The following ARHGAP39 variants were observed in gnomAD, a reference collection of about 807,000 sequenced individuals.
The protein encoded by ARHGAP39 is rho GTPase-activating protein 39.
A neutral mutation model predicts 106.9 loss-of-function variants in ARHGAP39; 44 were observed. That is an observed-to-expected ratio of 0.41 (90% CI 0.32 to 0.53). ARHGAP39 has a LOEUF of 0.53. ARHGAP39 is among the 20% of genes least tolerant of loss of function. The pLI is 0.21. For synonymous variants in ARHGAP39, 768 were observed against 693.2 expected, an observed-to-expected ratio of 1.11 and a Z score of -1.69; for missense variants, 1,496 against 1,577.3, an observed-to-expected ratio of 0.95 and a Z score of 0.87.
chr8:144,569,167 T>C (rs922235479), intron 3 of ARHGAP39, among the ~76,000 whole-genome samples: 1 of 152,214 alleles, frequency 6.6e-6, no homozygotes, highest in Non-Finnish European at 1.5e-5. Flanking sequence ...GTGCCAAGAT[T>C]AATGTAAGTA....
At chr8:144,662,619 G>A (rs1351030346) in intron 1 of ARHGAP39, among the ~76,000 whole-genome samples, 5 of 145,296 alleles carry the variant, frequency 3.4e-5, no homozygotes, top group Admixed American at 2.7e-4. Flanking sequence ...ATCCACCTTG[G>A]GCCGCTCCCC....
chr8:144,594,613 G>A lies in ARHGAP39; in HGVS notation c.80+10922C>T, dbSNP rs1242212159. On this transcript the variant is annotated intron_variant, in intron 2 of 11. Coordinates refer to ENST00000377307, the MANE Select transcript of ARHGAP39 (RefSeq NM_025251.3). ...GGAGGCTGAGGAAGGAGAATCGCTC[G>A]AACCCGGGAGGCGGATGTTGCGGTG... Among the ~76,000 whole-genome samples the A allele has an allele frequency of 3.3e-5, 5 of 151,448 alleles. 1 individual carries two copies. The highest frequency in any genetic ancestry group is 4.2e-4 in the South Asian group (2 of 4,816).
chr8:144,648,041 A>G lies in ARHGAP39; in HGVS notation c.-82+37645T>C, dbSNP rs148658988. On this transcript the variant is annotated intron_variant, in intron 1 of 11. Transcript: ENST00000377307. ...TAAAAACTCACTCCTGGCACACACA[A>G]TGGGGGACCTGTGACCTCAGAGGTT... Among the ~76,000 whole-genome samples, 3 of 152,224 alleles carry G rather than the reference A, an allele frequency of 2.0e-5. No individual in the cohort carries two copies. In the East Asian group the frequency reaches 5.8e-4, roughly 29 times the overall value.
At chr8:144,665,384 A>G (rs191910956) in intron 1 of ARHGAP39, among the ~76,000 whole-genome samples, 110 of 152,382 alleles carry the variant, frequency 7.2e-4, no homozygotes, top group African/African-American at 2.5e-3. Context: ...TCAAGCCAGC[A>G]GCACAAATTT....
chr8:144,555,620 A>G lies in ARHGAP39; in HGVS notation c.536T>C (p.Leu179Pro). The G allele has an allele frequency of 6.2e-7, 1 of 1,613,948 alleles. No homozygotes were observed. Among genetic ancestry groups the G allele is most frequent in the Non-Finnish European group, 8.5e-7 (1 of 1,180,002 alleles). Residue 179 changes from leucine (L) to proline (P), a missense_variant, in exon 4 of 12, where the codon CTT (leucine) becomes CCT (proline). Around this residue, in one of 4 missense-constraint regions of ARHGAP39, gnomAD observed 905 missense variants for 816.4 expected, o/e 1.11. Transcript: ENST00000377307. The part of the protein sequence containing the change: ...SGSSSPPGVF[L>P]EKDYEIYRDY... ...CCGGTAAATCTCATAGTCCTTCTCA[A>G]GGAACACTCCTGGTGGTGAAGAGCT...
intron 3 of ARHGAP39, among the ~76,000 whole-genome samples, chr8:144,558,384 C>T (rs1262238502): frequency 6.6e-6 from 1 of 152,046 alleles, no homozygotes; most frequent in Admixed American, 6.5e-5. Flanking sequence ...CCTCCATCTC[C>T]CAGGTTCAAG....
chr8:144,675,943 C>T (rs1822224716), intron 1 of ARHGAP39, among the ~76,000 whole-genome samples: 1 of 151,214 alleles, frequency 6.6e-6, no homozygotes, highest in Non-Finnish European at 1.5e-5. Context: ...GATAGCATGT[C>T]CAGAGTTGTT....
Position 144,530,250 on chromosome 8 carries a change from C to G in ARHGAP39, c.*172G>C, listed in dbSNP as rs946965032. On this transcript the variant is annotated 3_prime_UTR_variant, in exon 12 of 12. Transcript: ENST00000377307. ...CCCCGCCGCTGCTGTGCCCTGGCTG[C>G]ACCCTCAGACCAGGCAGAAGACGTG... 1.1e-5 allele frequency: 8 copies of G among 719,470 alleles called. No individual in the cohort carries two copies. In the East Asian group the frequency reaches 2.2e-4, roughly 20 times the overall value. The allele number at this position is 719,470 out of a possible 1,614,324, so 44.6% of individuals were successfully genotyped here.
At chr8:144,628,800 C>T (rs1019089379) in intron 1 of ARHGAP39, among the ~76,000 whole-genome samples, 8 of 152,228 alleles carry the variant, frequency 5.3e-5, no homozygotes, top group Admixed American at 2.6e-4. Flanking sequence ...GAATTCCATG[C>T]CCCACATCCT....
intron 5 of ARHGAP39, among the ~76,000 whole-genome samples, chr8:144,546,333 G>C (rs1709602956): frequency 6.6e-6 from 1 of 152,148 alleles, no homozygotes; most frequent in South Asian, 2.1e-4. Context: ...CATGCACCCT[G>C]GGCCTCTCTG....
Position 144,548,491 on chromosome 8 carries a change from T to G in ARHGAP39, c.597-2A>C. On this transcript the variant is annotated splice_acceptor_variant, in intron 4 of 11. Transcript: ENST00000377307. LOFTEE classifies it high-confidence loss of function. This position sits in a 1 kb window ranked among gnomAD's most constrained non-coding sequence, Gnocchi z 7.4. ...GAGTTCCACCGCAGCGAGGAGGTCC[T>G]GCGTGGGGGGTGGACGGGCACAGGT... The G allele has an allele frequency of 6.2e-7, 1 of 1,607,210 alleles. No individual in the cohort carries two copies. Among genetic ancestry groups the G allele is most frequent in the Non-Finnish European group, 8.5e-7 (1 of 1,178,466 alleles).
chr8:144,674,901 G>GT (rs1360690899), intron 1 of ARHGAP39, among the ~76,000 whole-genome samples: 2 of 152,222 alleles, frequency 1.3e-5, no homozygotes, highest in African/African-American at 4.8e-5. Context: ...CAAAATTGAC[G>GT]TGGGGACCAG....
Position 144,547,609 on chromosome 8 carries a change from T to C in ARHGAP39, c.1477A>G (p.Lys493Glu). The C allele has an allele frequency of 6.7e-7, 1 of 1,487,014 alleles. No homozygotes were observed. Among genetic ancestry groups the C allele is most frequent in the Non-Finnish European group, 8.9e-7 (1 of 1,120,690 alleles). The allele number at this position is 1,487,014 out of a possible 1,614,324, so 92.1% of individuals were successfully genotyped here. A position where few individuals can be genotyped will look rare whatever the true frequency, so the allele number is the denominator to read the frequency against. Residue 493 changes from lysine (K) to glutamate (E), a missense_variant, in exon 5 of 12, where the codon AAG becomes GAG. Physicochemically the swap from Lys to Glu is moderately conservative, Grantham distance 56. Coordinates refer to ENST00000377307, the MANE Select transcript of ARHGAP39 (RefSeq NM_025251.3). This position sits in a 1 kb window ranked among gnomAD's most constrained non-coding sequence, Gnocchi z 5.2. ...SSTGYSPGTR[K>E]RKSRKPSLCQ... ...AAAGAGGGCTTTCTGCTCTTCCGCT[T>C]GCGCGTGCCCGGGGAGTAGCCTGTG...
In ARHGAP39 at chr8:144,601,419, G is replaced by A. The variant is rs376752907; in HGVS notation, c.80+4116C>T. Among the ~76,000 whole-genome samples the A allele has an allele frequency of 3.6e-4, 42 of 115,400 alleles. No individual in the cohort carries two copies. In the South Asian group the frequency reaches 0.011, roughly 31 times the overall value. The allele number at this position is 115,400 out of a possible 152,430, so 75.7% of individuals were successfully genotyped here. ...GTGCTCGTCTACCTGCGTGCATGGAGGCGTGCGTGCGTGCGAGCTCGTGTA... is the reference window on the plus strand; with the variant it reads ...GTGCTCGTCTACCTGCGTGCATGGAAGCGTGCGTGCGTGCGAGCTCGTGTA... On this transcript the variant is annotated intron_variant, in intron 2 of 11. Coordinates refer to ENST00000377307, the MANE Select transcript of ARHGAP39 (RefSeq NM_025251.3).
rs901582579 is a variant in ARHGAP39 at position 144,685,276 on chromosome 8, G to GCACACC, written c.-82+404_-82+409dup. Reference sequence around the variant, plus strand: ...ACACTCACACTCACTCTGGACAGGGGCACACCCACACCCACATTGGGGCCG... The same window carrying GCACACC: ...ACACTCACACTCACTCTGGACAGGGGCACACCCACACCCACACCCACATTGGGGCCG... On this transcript the variant is annotated intron_variant, in intron 1 of 11. Transcript: ENST00000377307. Among the ~76,000 whole-genome samples the GCACACC allele has an allele frequency of 2.0e-5, 3 of 150,500 alleles. No homozygotes were observed. The East Asian group carries it at 5.9e-4, about 29-fold the overall frequency.
At chr8:144,667,052 C>T (rs1034281303) in intron 1 of ARHGAP39, among the ~76,000 whole-genome samples, 3 of 152,192 alleles carry the variant, frequency 2.0e-5, no homozygotes, top group African/African-American at 7.2e-5. Flanking sequence ...CCATTTCGAA[C>T]CAATCAATTT....
rs117311333 is a variant in ARHGAP39, at chr8:144,682,792, C to G, written c.-82+2894G>C. Among the ~76,000 whole-genome samples the G allele has an allele frequency of 0.016, 2,428 of 152,276 alleles. 208 individuals carry two copies. In the East Asian group the frequency reaches 0.24, roughly 15 times the overall value. On this transcript the variant is annotated intron_variant, in intron 1 of 11. Coordinates refer to ENST00000377307, the MANE Select transcript of ARHGAP39 (RefSeq NM_025251.3). ...TTGGGAAGCCAAGGCAAGTGGATCA[C>G]TTGAGCTCAGGAGTTTGAGACCAAT...
intron 1 of ARHGAP39, among the ~76,000 whole-genome samples, chr8:144,642,546 GCT>G (rs1821338988): frequency 6.6e-6 from 1 of 151,964 alleles, no homozygotes; most frequent in South Asian, 2.1e-4. Flanking sequence ...ATACAGTTTG[GCT>G]CTGTGTCCCC....
intron 6 of ARHGAP39, among the ~76,000 whole-genome samples, 162 bp from the exon 7 acceptor site, chr8:144,537,975 T>C (rs1159260829): frequency 1.3e-5 from 2 of 152,038 alleles, no homozygotes; most frequent in Non-Finnish European, 2.9e-5. Context: ...GCTGTGTGAG[T>C]GGCAGAGAGG....
Sources: allele counts gnomAD v4.1 joint callset (sites outside exome capture counted in the v4.1 genomes callset), GRCh38; gene constraint gnomAD v4.1.1; regional missense constraint gnomAD v4.1.1; non-coding constraint Gnocchi (gnomAD v3.1); transcripts MANE v1.5; gene names NCBI Gene and HGNC (gene_info 2026-07-23, HGNC 2026-07-21).